MYO16: variants seen among roughly 807,000 people sequenced by gnomAD.
MYO16 encodes the protein myosin XVI, also known as unconventional myosin-XVI.
Under a neutral mutation model 205.3 loss-of-function variants are expected in MYO16, and 94 were observed. That is an observed-to-expected ratio of 0.46 (90% CI 0.39 to 0.54). MYO16 has a LOEUF of 0.54. Among genes scored for constraint, MYO16 ranks in the 20% least tolerant of loss-of-function variants. MYO16 has a pLI of 0.00. For synonymous variants in MYO16, 988 were observed against 954.0 expected (o/e 1.04, Z -0.66); for missense variants, 2,315 against 2,387.5 (o/e 0.97, Z 0.63).
At chr13:109,177,368 G>T (rs952527694) in intron 33 of MYO16, among the ~76,000 whole-genome samples, 15 of 152,160 alleles carry the variant, frequency 9.9e-5, no homozygotes, top group African/African-American at 3.6e-4. Flanking sequence ...TGCAGCGGTT[G>T]CTCATAAATG....
chr13:108,498,599 G>C, the MYO16 span, among the ~76,000 whole-genome samples: 1 of 152,170 alleles, frequency 6.6e-6, no homozygotes, highest in African/African-American at 2.4e-5. Flanking sequence ...CAAAGAGTGA[G>C]CATGTGAAGA....
chr13:108,645,443 T>C (rs188742160), intron 1 of MYO16, among the ~76,000 whole-genome samples: 67 of 152,280 alleles, frequency 4.4e-4, no homozygotes, highest in African/African-American at 1.5e-3. Flanking sequence ...CTCCTGTAGC[T>C]TTAAAAAGGC....
At chr13:109,038,748 G>T (rs1043476968) in intron 23 of MYO16, among the ~76,000 whole-genome samples, 3 of 151,700 alleles carry the variant, frequency 2.0e-5, no homozygotes, top group Non-Finnish European at 4.4e-5. Flanking sequence ...AATCAAATTT[G>T]TTATATTTTT....
intron 15 of MYO16, among the ~76,000 whole-genome samples, chr13:108,905,264 G>C (rs1014849956): frequency 6.6e-6 from 1 of 152,088 alleles, no homozygotes; most frequent in Admixed American, 6.6e-5. Context: ...AGACTCCATG[G>C]TCTCCTGTGT....
chr13:109,187,427 T>G (rs1879731642), intron 34 of MYO16, among the ~76,000 whole-genome samples: 1 of 152,222 alleles, frequency 6.6e-6, no homozygotes, highest in East Asian at 1.9e-4. Flanking sequence ...CTTAATTTTC[T>G]CTATTTCTGC....
At chr13:108,874,581 A>T (rs1185794239) in intron 12 of MYO16, among the ~76,000 whole-genome samples, 1 of 151,946 alleles carries the variant, frequency 6.6e-6, no homozygotes, top group Non-Finnish European at 1.5e-5. Context: ...AAGTCTTCCC[A>T]TGAGTGGCAG....
rs4000581 is a variant in MYO16, at chr13:109,199,192, GTATATATATA to G, written c.5416-7378_5416-7369del. On this transcript the variant is annotated intron_variant, in intron 34 of 34. Transcript: ENST00000457511. ...TCAAGTAAATGGTTTAATAAAAAAG[GTATATATATA>G]TATATATATATATATATATATATAT... is the stretch of plus-strand genomic sequence containing the variant. Among the ~76,000 whole-genome samples, 638 of 75,554 alleles carry G rather than the reference GTATATATATA, an allele frequency of 8.4e-3. 15 individuals are homozygous for G. The highest frequency in any genetic ancestry group is 0.025 in the African/African-American group (481 of 19,158). The allele number at this position is 75,554 out of a possible 152,430, so 49.6% of individuals were successfully genotyped here.
intron 1 of MYO16, among the ~76,000 whole-genome samples, chr13:108,601,784 G>T (rs539575757): frequency 1.3e-5 from 2 of 152,138 alleles, no homozygotes; most frequent in East Asian, 3.9e-4. Flanking sequence ...TGAGTGTTTG[G>T]TTATGTGACC....
rs563888527 is a variant in MYO16, at chr13:108,622,343, C to T, written c.-39+26104C>T. ...CCCTGGGCGCTTGGCATTACAGCTG[C>T]CATTTCTTATCACAGGAATTTGAAC... On this transcript the variant is annotated intron_variant, in intron 1 of 24. Transcript: ENST00000251041. Among the ~76,000 whole-genome samples the T allele has an allele frequency of 2.2e-4, 34 of 152,234 alleles. No homozygotes were observed. The South Asian group carries it at 6.8e-3, about 31-fold the overall frequency.
At chr13:108,846,868 AC>A (rs1877550808) in intron 10 of MYO16, among the ~76,000 whole-genome samples, 1 of 152,130 alleles carries the variant, frequency 6.6e-6, no homozygotes, top group Non-Finnish European at 1.5e-5. Flanking sequence ...ACATTCAAAA[AC>A]TTTTGAATGC....
At chr13:109,046,375 A>T (rs1477033285) in intron 23 of MYO16, among the ~76,000 whole-genome samples, 2 of 152,250 alleles carry the variant, frequency 1.3e-5, no homozygotes, top group African/African-American at 4.8e-5. Context: ...TGATAAAATT[A>T]TAACATCCTT....
intron 20 of MYO16, among the ~76,000 whole-genome samples, chr13:108,973,163 G>A (rs533094396): frequency 6.6e-6 from 1 of 151,794 alleles, no homozygotes; most frequent in Admixed American, 6.6e-5. Flanking sequence ...TAGTTTTTTT[G>A]TTTCACAAGT....
chr13:109,156,133 T>C (rs888585183), intron 32 of MYO16, among the ~76,000 whole-genome samples: 1 of 152,122 alleles, frequency 6.6e-6, no homozygotes, highest in Non-Finnish European at 1.5e-5. Flanking sequence ...TTAAAAGGAG[T>C]TGCCCTGTGT....
At chr13:108,517,734 G>C in the MYO16 span, among the ~76,000 whole-genome samples, 1 of 152,112 alleles carries the variant, frequency 6.6e-6, no homozygotes, top group Non-Finnish European at 1.5e-5. Flanking sequence ...TCAGTATTTT[G>C]TTTGTTATTA....
At chr13:109,031,911 T>G (rs987847487) in intron 23 of MYO16, among the ~76,000 whole-genome samples, 1 of 152,094 alleles carries the variant, frequency 6.6e-6, no homozygotes, top group Non-Finnish European at 1.5e-5. Context: ...GAAAGTGAAG[T>G]CTCCTCATGC....
At chr13:109,117,205 T>C (rs908200172) in intron 28 of MYO16, among the ~76,000 whole-genome samples, 1 of 152,104 alleles carries the variant, frequency 6.6e-6, no homozygotes, top group Non-Finnish European at 1.5e-5. Flanking sequence ...CCCTAGAAGC[T>C]ATCATCTGTC....
chr13:108,869,148 C>T (rs1208411890), intron 12 of MYO16, among the ~76,000 whole-genome samples: 5 of 151,974 alleles, frequency 3.3e-5, no homozygotes, highest in East Asian at 1.9e-4. Context: ...AATTTTGGGG[C>T]GCTGAGGGGA....
At chr13:108,854,071 G>A (rs1208974232) in intron 10 of MYO16, among the ~76,000 whole-genome samples, 3 of 151,680 alleles carry the variant, frequency 2.0e-5, no homozygotes, top group Non-Finnish European at 2.9e-5. Context: ...TCGGCTCACT[G>A]CAACCTGTAC....
chr13:108,669,121 G>A (rs912439998), intron 2 of MYO16, among the ~76,000 whole-genome samples: 52 of 152,048 alleles, frequency 3.4e-4, no homozygotes, highest in Admixed American at 3.3e-4. Flanking sequence ...AAAACGATAC[G>A]AAGTCTAAGA....
Sources: allele counts gnomAD v4.1 joint callset (sites outside exome capture counted in the v4.1 genomes callset), GRCh38; gene constraint gnomAD v4.1.1; transcripts MANE v1.5; gene names NCBI Gene and HGNC (gene_info 2026-07-23, HGNC 2026-07-21).